CLEC2A: variants seen among roughly 807,000 people sequenced by gnomAD.
CLEC2A encodes the protein C-type lectin domain family 2 member A, also known as keratinocyte-associated C-type lectin.
A neutral mutation model predicts 18.6 loss-of-function variants in CLEC2A; 19 were observed. The ratio of observed to expected loss-of-function variants is 1.02; its 90% CI spans 0.71 to 1.50. The LOEUF is 1.50. Ranked by LOEUF, CLEC2A falls within the 40% of genes most tolerant of loss-of-function variation. The pLI is 0.00. For synonymous variants in CLEC2A, 74 were observed against 64.0 expected (o/e 1.16, Z -0.75); for missense variants, 190 against 207.9 (o/e 0.91, Z 0.53).
Position 9,921,077 on chromosome 12 carries a change from A to T in CLEC2A, c.306+989T>A, listed in dbSNP as rs142948847. ...TTATGGCTGTGTCATTGGCTGGGTT[A>T]CATAACATTTCTGTGACTGACTTTC... On this transcript the variant is annotated intron_variant, in intron 3 of 4. Coordinates refer to ENST00000455827, the MANE Select transcript of CLEC2A (RefSeq NM_001130711.2). Among the ~76,000 whole-genome samples the T allele has an allele frequency of 1.0e-3, 156 of 152,338 alleles. 1 individual carries two copies. The highest frequency in any genetic ancestry group is 3.4e-3 in the Middle Eastern group (1 of 294).
At chr12:9,931,094 C>T (rs1464301933) in intron 1 of CLEC2A, among the ~76,000 whole-genome samples, 1 of 152,116 alleles carries the variant, frequency 6.6e-6, no homozygotes, top group East Asian at 1.9e-4. Flanking sequence ...CCGGCTTTCT[C>T]ATAATCTTCC....
At chr12:9,917,161 TCA>T (rs1491383397) in intron 3 of CLEC2A, among the ~76,000 whole-genome samples, 17 of 152,340 alleles carry the variant, frequency 1.1e-4, no homozygotes, top group African/African-American at 3.8e-4. Flanking sequence ...ATGGCTTTAG[TCA>T]CTGCTCTATT....
chr12:9,893,593 A>G, the CLEC2A span: 1 of 619,098 alleles, frequency 1.6e-6, no homozygotes, highest in Non-Finnish European at 2.6e-6. Context: ...AATTATTTTT[A>G]TATTAAACTT....
chr12:9,906,944 G>C (rs1364722438), intron 4 of CLEC2A, among the ~76,000 whole-genome samples: 2 of 152,208 alleles, frequency 1.3e-5, no homozygotes, highest in East Asian at 1.9e-4. Context: ...TATTAGAATA[G>C]CTTCGCATTT....
At chr12:9,905,987 C>CACTTCCAGGA (rs1565528003) in intron 4 of CLEC2A, among the ~76,000 whole-genome samples, 1 of 150,942 alleles carries the variant, frequency 6.6e-6, no homozygotes, top group African/African-American at 2.4e-5. Context: ...ATTTCTTCCC[C>CACTTCCAGGA]CAAGTGGTGA....
downstream of CLEC2A, among the ~76,000 whole-genome samples, chr12:9,912,106 A>G (rs904187589): frequency 3.9e-5 from 6 of 152,208 alleles, no homozygotes; most frequent in Non-Finnish European, 5.9e-5. Context: ...GTAAAGGTTA[A>G]CTGCTGATGG....
chr12:9,929,478 T>C (rs148685979), intron 1 of CLEC2A, among the ~76,000 whole-genome samples: 1,716 of 152,292 alleles, frequency 0.011, 20 homozygotes, highest in Middle Eastern at 0.051. Context: ...TTATCTCAGA[T>C]AGACATTGAA....
chr12:9,914,688 C>T (rs1296171017), intron 4 of CLEC2A, among the ~76,000 whole-genome samples: 1 of 152,152 alleles, frequency 6.6e-6, no homozygotes, highest in African/African-American at 2.4e-5. Context: ...TGGACCCCTT[C>T]CTTACACCTT....
At chr12:9,882,792 A>G in the CLEC2A span, among the ~76,000 whole-genome samples, 1 of 151,800 alleles carries the variant, frequency 6.6e-6, no homozygotes, top group Non-Finnish European at 1.5e-5. Context: ...AAAAAAACAA[A>G]AAAAATTATT....
At chr12:9,911,506 T>C (rs1218095610), downstream of CLEC2A, among the ~76,000 whole-genome samples, 4 of 152,220 alleles carry the variant, frequency 2.6e-5, no homozygotes, top group African/African-American at 9.6e-5. Flanking sequence ...AAGTAGTTTA[T>C]AACCTTAAAA....
At chr12:9,895,709 C>T (rs1862748484), downstream of CLEC2A, 2 of 1,534,152 alleles carry the variant, frequency 1.3e-6, no homozygotes, top group Non-Finnish European at 8.7e-7. Context: ...ATTGGACCAA[C>T]TGATGACAGG....
chr12:9,913,728 ATC>A, intron 4 of CLEC2A, 48 bp from the exon 5 acceptor site: 1 of 1,208,912 alleles, frequency 8.3e-7, no homozygotes. Flanking sequence ...TACGGCTGTA[ATC>A]AAAAAGACAA....
chr12:9,894,126 T>TTCTTTCTC (rs1555127271), downstream of CLEC2A, among the ~76,000 whole-genome samples: 3 of 130,200 alleles, frequency 2.3e-5, no homozygotes, highest in Non-Finnish European at 3.2e-5. Flanking sequence ...TTTCTTTTCT[T>TTCTTTCTC]TCTCTCTCTC....
intron 4 of CLEC2A, among the ~76,000 whole-genome samples, chr12:9,915,744 T>C (rs901138328): frequency 1.3e-5 from 2 of 152,180 alleles, no homozygotes; most frequent in Admixed American, 6.5e-5. Context: ...GACAAACAGC[T>C]AATGCATGTG....
downstream of CLEC2A, chr12:9,895,814 A>T: frequency 6.5e-7 from 1 of 1,535,116 alleles, no homozygotes; most frequent in Admixed American, 2.0e-5. Context: ...TTGACGCACA[A>T]TGGAACCAGT....
intron 4 of CLEC2A, 123 bp from the exon 5 acceptor site, chr12:9,913,803 C>T (rs1863025930): frequency 3.3e-6 from 2 of 608,318 alleles, no homozygotes; most frequent in East Asian, 2.9e-5. Flanking sequence ...AATATACCCA[C>T]CCATCACCAT....
chr12:9,914,726 A>G (rs1207573041), intron 4 of CLEC2A, among the ~76,000 whole-genome samples: 1 of 152,224 alleles, frequency 6.6e-6, no homozygotes, highest in Non-Finnish European at 1.5e-5. Flanking sequence ...AGATGGATTA[A>G]AGACTTAAAT....
intron 4 of CLEC2A, among the ~76,000 whole-genome samples, chr12:9,914,087 C>T (rs547645475): frequency 6.6e-6 from 1 of 152,206 alleles, no homozygotes; most frequent in Admixed American, 6.5e-5. Flanking sequence ...ATTCAGTTTT[C>T]TGGCATAATT....
the CLEC2A span, chr12:9,885,115 C>G: frequency 2.3e-6 from 1 of 433,118 alleles, no homozygotes; most frequent in Admixed American, 4.5e-5. Flanking sequence ...AAGATAAACT[C>G]TACACTGTAG....
Sources: gnomAD v4.1 joint callset for allele counts (sites outside exome capture counted in the v4.1 genomes callset) on GRCh38, gnomAD v4.1.1 for gene constraint, MANE v1.5 for transcripts, NCBI Gene and HGNC (gene_info 2026-07-23, HGNC 2026-07-21) for gene names.